LARGE1: variants seen among roughly 807,000 people sequenced by gnomAD.
LARGE1 encodes LARGE xylosyl- and glucuronyltransferase 1.
A neutral mutation model predicts 87.6 loss-of-function variants in LARGE1; 43 were observed. That is an observed-to-expected ratio of 0.49 (90% CI 0.38 to 0.63). The LOEUF (loss-of-function observed/expected upper bound fraction) is 0.63, where lower values mean the gene tolerates loss of function less well. Among genes scored for constraint, LARGE1 ranks in the 30% least tolerant of loss-of-function variants. LARGE1 has a pLI of 0.00. For synonymous variants in LARGE1, 434 were observed against 394.6 expected, an observed-to-expected ratio of 1.10 and a Z score of -1.18; for missense variants, 802 against 1,000.2, an observed-to-expected ratio of 0.80 and a Z score of 2.67.
At chr22:33,849,934 GT>G (rs2063541457) in intron 1 of LARGE1, among the ~76,000 whole-genome samples, 1 of 152,084 alleles carries the variant, frequency 6.6e-6, no homozygotes, top group South Asian at 2.1e-4. Context: ...TAAGGTATAG[GT>G]ACAGTTGTTA....
At position 33,170,140 on chromosome 22, in the gene LARGE1, G is replaced by T. The variant is rs549634298; in HGVS notation, c.1731-3308C>A. 1.0e-3 allele frequency among the ~76,000 whole-genome samples: 159 copies of T among 152,070 alleles called. 1 individual carries two copies. The highest frequency in any genetic ancestry group is 3.7e-3 in the African/African-American group (155 of 41,498). On this transcript the variant is annotated intron_variant, in intron 11 of 11. Coordinates refer to the LARGE1 transcript ENST00000608642. ...TGCCAGCACTTTGGGATGCCGAGGT[G>T]GGAGGATCACTTGAGGTCAGGAGTT... is the stretch of plus-strand genomic sequence containing the variant.
At chr22:33,317,673 T>G (rs1055850887) in intron 10 of LARGE1, among the ~76,000 whole-genome samples, 3 of 152,206 alleles carry the variant, frequency 2.0e-5, no homozygotes, top group African/African-American at 7.2e-5. Context: ...AATCTGCAGC[T>G]GCCCAACAGA....
intron 1 of LARGE1, among the ~76,000 whole-genome samples, chr22:33,796,080 A>G (rs2085972674): frequency 6.6e-6 from 1 of 151,692 alleles, no homozygotes; most frequent in African/African-American, 2.4e-5. Flanking sequence ...AACTGACTTG[A>G]TGCAAGTCAA....
chr22:33,356,301 AGAC>A (rs1457829156), intron 9 of LARGE1, among the ~76,000 whole-genome samples: 2 of 152,218 alleles, frequency 1.3e-5, no homozygotes, highest in African/African-American at 4.8e-5. Flanking sequence ...TGCTGAGGGA[AGAC>A]AACAGACTCA....
intron 7 of LARGE1, among the ~76,000 whole-genome samples, chr22:33,416,419 G>T (rs375883590): frequency 6.6e-6 from 1 of 151,998 alleles, no homozygotes; most frequent in Non-Finnish European, 1.5e-5. Flanking sequence ...CCACCCACCC[G>T]TGCAGGCCTC....
chr22:33,458,143 G>A (rs1207272753), intron 6 of LARGE1, among the ~76,000 whole-genome samples: 2 of 143,002 alleles, frequency 1.4e-5, no homozygotes, highest in Non-Finnish European at 1.5e-5. Context: ...GTCTCACTCT[G>A]TCGTTCAGGC....
intron 5 of LARGE1, chr22:33,572,179 C>T: frequency 7.8e-7 from 1 of 1,286,394 alleles, no homozygotes; most frequent in Non-Finnish European, 1.0e-6. Context: ...TACAAATCAC[C>T]TTGACATATT....
At chr22:33,302,329 AC>A (rs1336267604) in intron 12 of LARGE1, among the ~76,000 whole-genome samples, 4 of 152,110 alleles carry the variant, frequency 2.6e-5, no homozygotes, top group African/African-American at 9.7e-5. Flanking sequence ...GGTGCTGGGT[AC>A]CACAGCACCT....
intron 6 of LARGE1, among the ~76,000 whole-genome samples, chr22:33,466,693 T>TCCACAC (rs1555925562): frequency 6.9e-6 from 1 of 145,248 alleles, no homozygotes; most frequent in African/African-American, 2.6e-5. Flanking sequence ...TCTCTCTCTC[T>TCCACAC]ACACACACAC....
the LARGE1 span, among the ~76,000 whole-genome samples, chr22:33,112,867 A>G: frequency 6.6e-6 from 1 of 152,122 alleles, no homozygotes; most frequent in Non-Finnish European, 1.5e-5. Context: ...ACCACCCCTA[A>G]CCGTAGTCCT....
exon 12 of LARGE1, chr22:33,166,272 GC>G (rs1462562763): frequency 6.5e-6 from 1 of 154,244 alleles, no homozygotes; most frequent in Non-Finnish European, 1.4e-5. Context: ...TTGCAGTGAA[GC>G]TGAGGGATCC....
chr22:33,599,621 T>A (rs990300343), intron 5 of LARGE1, among the ~76,000 whole-genome samples: 32 of 152,314 alleles, frequency 2.1e-4, no homozygotes, highest in African/African-American at 7.5e-4. Flanking sequence ...TTCCCACAGT[T>A]CGTTTTTAAT....
intron 2 of LARGE1, among the ~76,000 whole-genome samples, chr22:33,691,937 A>G (rs955932597): frequency 6.6e-6 from 1 of 152,206 alleles, no homozygotes; most frequent in African/African-American, 2.4e-5. Context: ...TATCTTGAAT[A>G]GACCTTAGAG....
At chr22:33,471,814 C>G (rs749317430) in intron 6 of LARGE1, among the ~76,000 whole-genome samples, 3 of 152,156 alleles carry the variant, frequency 2.0e-5, no homozygotes, top group Non-Finnish European at 4.4e-5. Flanking sequence ...GCGGGCGCAT[C>G]ATGAGGTCAG....
chr22:33,583,974 C>A (rs1486265380), intron 5 of LARGE1, among the ~76,000 whole-genome samples: 1 of 152,158 alleles, frequency 6.6e-6, no homozygotes, highest in Non-Finnish European at 1.5e-5. Flanking sequence ...CCAACTTTCC[C>A]CGCTGTGGGC....
At chr22:33,519,998 CTTTTTTTT>C (rs397868082) in intron 6 of LARGE1, among the ~76,000 whole-genome samples, 12 of 97,230 alleles carry the variant, frequency 1.2e-4, no homozygotes, top group African/African-American at 3.0e-4. Flanking sequence ...TGGTTTTTCT[CTTTTTTTT>C]TTTTTTTTTT....
downstream of LARGE1, among the ~76,000 whole-genome samples, chr22:33,270,638 G>A (rs1324785503): frequency 7.2e-5 from 11 of 152,184 alleles, no homozygotes; most frequent in Admixed American, 2.6e-4. Flanking sequence ...ATAAAGGGTA[G>A]TTCTTATTAT....
chr22:33,198,089 G>A (rs1017121015), intron 11 of LARGE1, among the ~76,000 whole-genome samples: 5 of 152,046 alleles, frequency 3.3e-5, no homozygotes, highest in Admixed American at 1.3e-4. Flanking sequence ...AGTTTGAAGC[G>A]GATCATAAAC....
At chr22:33,226,736 AT>A (rs11323006) in intron 11 of LARGE1, among the ~76,000 whole-genome samples, 93,019 of 146,708 alleles carry the variant, frequency 0.63, 30,639 homozygotes, top group African/African-American at 0.84. Context: ...ATTTATTATT[AT>A]TTTTTTTTTT....
Sources: allele counts gnomAD v4.1 joint callset (sites outside exome capture counted in the v4.1 genomes callset), GRCh38; gene constraint gnomAD v4.1.1; transcripts MANE v1.5; gene names NCBI Gene and HGNC (gene_info 2026-07-23, HGNC 2026-07-21).